Variants in FHIT observed in about 807,000 individuals in gnomAD.
FHIT encodes fragile histidine triad diadenosine triphosphatase.
FHIT carries 19 observed loss-of-function variants against 17.9 expected under a neutral mutation model. The ratio of observed to expected loss-of-function variants is 1.06; its 90% CI spans 0.74 to 1.56. FHIT has a LOEUF of 1.56. FHIT is among the 40% of genes most tolerant of loss of function. The pLI is 0.00. For missense variants in FHIT, 248 were observed against 189.2 expected (o/e 1.31, Z -1.82); for synonymous variants, 81 against 69.7 (o/e 1.16, Z -0.81).
intron 4 of FHIT, among the ~76,000 whole-genome samples, chr3:60,543,254 G>A (rs1164599999): frequency 6.6e-6 from 1 of 152,098 alleles, no homozygotes; most frequent in African/African-American, 2.4e-5. Context: ...GCCCAGATTT[G>A]GTTTATAGGG....
At chr3:60,521,464 G>A (rs569538317) in intron 5 of FHIT, among the ~76,000 whole-genome samples, 4 of 152,204 alleles carry the variant, frequency 2.6e-5, no homozygotes, top group Middle Eastern at 3.4e-3. Context: ...AGCCAGGATG[G>A]TCTCGATCTG....
chr3:59,986,731 A>AATATATACATATATTTAT (rs1427840945), intron 7 of FHIT, among the ~76,000 whole-genome samples: 1 of 6,098 alleles, frequency 1.6e-4, no homozygotes, highest in Non-Finnish European at 3.9e-4. Flanking sequence ...TATTTATATA[A>AATATATACATATATTTAT]ATATATACAT....
intron 5 of FHIT, among the ~76,000 whole-genome samples, chr3:60,407,755 G>C (rs183309769): frequency 1.3e-5 from 2 of 152,190 alleles, no homozygotes; most frequent in Admixed American, 1.3e-4. Flanking sequence ...GACCTCAAAT[G>C]ATCTGCCCAC....
chr3:60,771,855 T>A (rs1367102898), intron 4 of FHIT, among the ~76,000 whole-genome samples: 1 of 152,194 alleles, frequency 6.6e-6, no homozygotes, highest in Non-Finnish European at 1.5e-5. Context: ...AGCCTGGAAC[T>A]TTAAAAAAAT....
intron 5 of FHIT, among the ~76,000 whole-genome samples, chr3:60,057,061 A>C (rs542176507): frequency 2.0e-5 from 3 of 152,198 alleles, no homozygotes; most frequent in African/African-American, 7.2e-5. Flanking sequence ...ACTATTATGC[A>C]TGTCTTCATT....
intron 5 of FHIT, among the ~76,000 whole-genome samples, chr3:60,508,376 TA>T (rs1422819665): frequency 3.1e-4 from 47 of 152,326 alleles, no homozygotes; most frequent in Non-Finnish European, 5.1e-4. Flanking sequence ...ATTTATCAAT[TA>T]GGTTTGACTA....
At chr3:60,302,263 T>C (rs948420408) in intron 5 of FHIT, among the ~76,000 whole-genome samples, 1 of 152,100 alleles carries the variant, frequency 6.6e-6, no homozygotes, top group Non-Finnish European at 1.5e-5. Flanking sequence ...GAAATGCAGC[T>C]TCTGACTAAA....
intron 5 of FHIT, among the ~76,000 whole-genome samples, chr3:60,279,216 A>G (rs1559783983): frequency 1.3e-5 from 2 of 152,128 alleles, no homozygotes; most frequent in Non-Finnish European, 2.9e-5. Flanking sequence ...ATCACTACTG[A>G]TCTCACGGAT....
chr3:60,912,469 G>A (rs1706797672), intron 3 of FHIT, among the ~76,000 whole-genome samples: 2 of 152,196 alleles, frequency 1.3e-5, no homozygotes, highest in South Asian at 4.1e-4. Context: ...AAGGTGAGGA[G>A]TGGCAGAATA....
intron 4 of FHIT, chr3:60,732,277 AC>A (rs2042045882): frequency 1.1e-6 from 1 of 923,364 alleles, no homozygotes; most frequent in African/African-American, 1.6e-5. Flanking sequence ...CCATCCAACC[AC>A]TGAGTCTTGG....
At chr3:60,007,428 T>C (rs560159045) in intron 7 of FHIT, among the ~76,000 whole-genome samples, 19 of 152,338 alleles carry the variant, frequency 1.2e-4, no homozygotes, top group Non-Finnish European at 2.5e-4. Context: ...TTCTACTTCA[T>C]GTTAACTAAA....
intron 7 of FHIT, among the ~76,000 whole-genome samples, chr3:59,991,761 C>T (rs747814116): frequency 1.6e-4 from 25 of 152,058 alleles, no homozygotes; most frequent in Non-Finnish European, 2.5e-4. Context: ...CCTCTTCACA[C>T]AGCCATATGT....
chr3:60,932,025 C>G (rs1057483043), intron 3 of FHIT, among the ~76,000 whole-genome samples: 1 of 152,078 alleles, frequency 6.6e-6, no homozygotes, highest in East Asian at 1.9e-4. Flanking sequence ...AATATAAGGT[C>G]CCAGTCTGCC....
At chr3:59,937,903 A>G (rs771274076) in intron 7 of FHIT, among the ~76,000 whole-genome samples, 1 of 152,162 alleles carries the variant, frequency 6.6e-6, no homozygotes, top group Non-Finnish European at 1.5e-5. Context: ...TAAGGGTTAC[A>G]TTTTCCTTCT....
intron 3 of FHIT, among the ~76,000 whole-genome samples, chr3:60,838,404 A>G (rs1553744280): frequency 6.6e-6 from 1 of 152,156 alleles, no homozygotes; most frequent in African/African-American, 2.4e-5. Flanking sequence ...CCCGGGAGGC[A>G]GAGCTTGCAG....
chr3:60,009,166 TGTGTGTGTGTGTGTGTGTGTGTG>T (rs1700040261), intron 7 of FHIT, among the ~76,000 whole-genome samples: 2 of 3,756 alleles, frequency 5.3e-4, no homozygotes, highest in Non-Finnish European at 1.4e-3. Context: ...TGGGATTTTA[TGTGTGTGTGTGTGTGTGTGTGTG>T]TGTGTGTGTG....
intron 5 of FHIT, among the ~76,000 whole-genome samples, chr3:60,323,232 A>T (rs978362101): frequency 1.3e-5 from 2 of 152,174 alleles, no homozygotes; most frequent in Non-Finnish European, 2.9e-5. Flanking sequence ...ACTGTTTCAC[A>T]TTCATGAAAT....
At chr3:59,879,933 G>A (rs1293046449) in intron 8 of FHIT, among the ~76,000 whole-genome samples, 15 of 52,648 alleles carry the variant, frequency 2.8e-4, no homozygotes, top group Non-Finnish European at 4.3e-4. Context: ...CCCCCCCCCC[G>A]CCCCTTAGCA....
Position 60,371,119 on chromosome 3 carries a change from C to T in FHIT, c.103+165741G>A, listed in dbSNP as rs77328170. 8.8e-3 allele frequency among the ~76,000 whole-genome samples: 1,343 copies of T among 152,274 alleles called. 8 individuals carry two copies. The highest frequency in any genetic ancestry group is 0.016 in the Admixed American group (240 of 15,302). ...GACAGAAGACTCTGGTTTTTCTGACCGCTGTGTTGTTCCAATCTGTTTATT... is the reference window on the plus strand; with the variant it reads ...GACAGAAGACTCTGGTTTTTCTGACTGCTGTGTTGTTCCAATCTGTTTATT... On this transcript the variant is annotated intron_variant, in intron 5 of 9. Transcript: ENST00000492590.
Sources: allele counts gnomAD v4.1 joint callset (sites outside exome capture counted in the v4.1 genomes callset), GRCh38; gene constraint gnomAD v4.1.1; transcripts MANE v1.5; gene names NCBI Gene and HGNC (gene_info 2026-07-23, HGNC 2026-07-21).